Variants in THSD7B observed in about 807,000 individuals in gnomAD.
THSD7B encodes the protein thrombospondin type 1 domain containing 7B.
In THSD7B, 138 loss-of-function variants were observed where a neutral mutation model predicts 213.6. That is an observed-to-expected ratio of 0.65 (90% CI 0.56 to 0.74). The LOEUF is 0.74. THSD7B is among the 30% of genes least tolerant of loss of function. THSD7B has a pLI of 0.00. For synonymous variants in THSD7B, 742 were observed against 687.0 expected (o/e 1.08, Z -1.25); for missense variants, 1,931 against 1,991.5 (o/e 0.97, Z 0.58).
At chr2:137,316,030 C>T (rs947565528) in intron 12 of THSD7B, among the ~76,000 whole-genome samples, 3 of 151,950 alleles carry the variant, frequency 2.0e-5, no homozygotes, top group African/African-American at 7.3e-5. Context: ...CTTTTAAATT[C>T]TTGGTATTAT....
intron 9 of THSD7B, among the ~76,000 whole-genome samples, chr2:137,235,864 G>C (rs185180848): frequency 6.6e-6 from 1 of 152,202 alleles, no homozygotes; most frequent in Admixed American, 6.5e-5. Flanking sequence ...ATGACTTTCT[G>C]TACTGTTAAT....
intron 17 of THSD7B, among the ~76,000 whole-genome samples, chr2:137,610,932 T>C (rs1354037577): frequency 1.3e-5 from 2 of 150,888 alleles, no homozygotes; most frequent in Non-Finnish European, 3.0e-5. Context: ...TCTACTTCTT[T>C]TTAAAAGTTA....
intron 5 of THSD7B, among the ~76,000 whole-genome samples, chr2:137,122,957 A>G (rs1173951538): frequency 6.6e-6 from 1 of 152,112 alleles, no homozygotes; most frequent in Non-Finnish European, 1.5e-5. Flanking sequence ...GCTGCTATGC[A>G]AGTCTGAGAT....
At chr2:137,028,687 G>A (rs185207775) in intron 2 of THSD7B, among the ~76,000 whole-genome samples, 14 of 152,296 alleles carry the variant, frequency 9.2e-5, no homozygotes, top group African/African-American at 3.1e-4. Context: ...AAGTGCCATC[G>A]TAAGAAAGAG....
chr2:137,133,853 G>T (rs1688784428), intron 5 of THSD7B, among the ~76,000 whole-genome samples: 1 of 152,084 alleles, frequency 6.6e-6, no homozygotes, highest in African/African-American at 2.4e-5. Flanking sequence ...TTTGATGTTT[G>T]TATATGTTTT....
chr2:137,304,043 G>A (rs994551882), intron 12 of THSD7B, among the ~76,000 whole-genome samples: 1 of 151,600 alleles, frequency 6.6e-6, no homozygotes, highest in Non-Finnish European at 1.5e-5. Context: ...ACTTATGAAG[G>A]AGAACATGTG....
chr2:137,449,543 C>T (rs6743682), intron 14 of THSD7B, among the ~76,000 whole-genome samples: 103,705 of 152,004 alleles, frequency 0.68, 35,624 homozygotes, highest in East Asian at 0.86. Flanking sequence ...GGGAAAGCTC[C>T]TCTTCTGAAC....
At chr2:137,416,002 A>G (rs999026367) in intron 14 of THSD7B, among the ~76,000 whole-genome samples, 10 of 152,270 alleles carry the variant, frequency 6.6e-5, no homozygotes, top group South Asian at 4.1e-4. Flanking sequence ...AATGTCTTTT[A>G]TTTATTTTCA....
intron 15 of THSD7B, among the ~76,000 whole-genome samples, chr2:137,469,366 T>C (rs1688050821): frequency 6.6e-6 from 1 of 152,214 alleles, no homozygotes; most frequent in African/African-American, 2.4e-5. Context: ...GCGATCCTCT[T>C]TGCATGAATT....
intron 12 of THSD7B, among the ~76,000 whole-genome samples, chr2:137,302,905 T>C (rs2104848470): frequency 6.6e-6 from 1 of 152,288 alleles, no homozygotes; most frequent in African/African-American, 2.4e-5. Context: ...ATTCTCCTAC[T>C]ACAGTCTTTA....
At chr2:137,188,127 T>C (rs925518132) in intron 7 of THSD7B, among the ~76,000 whole-genome samples, 23 of 152,258 alleles carry the variant, frequency 1.5e-4, no homozygotes, top group African/African-American at 5.5e-4. Context: ...CCAATGACAA[T>C]GTAGGAATCA....
chr2:137,127,693 G>C (rs1688654706), intron 5 of THSD7B, among the ~76,000 whole-genome samples: 1 of 152,130 alleles, frequency 6.6e-6, no homozygotes, highest in Admixed American at 6.5e-5. Flanking sequence ...GAGGTGGGTG[G>C]ATTTCTTGAG....
intron 2 of THSD7B, among the ~76,000 whole-genome samples, chr2:137,052,228 C>T (rs919553367): frequency 1.3e-5 from 2 of 152,106 alleles, no homozygotes; most frequent in Non-Finnish European, 2.9e-5. Flanking sequence ...ATATTCCTCT[C>T]ACAAAAAGGG....
chr2:137,424,887 C>T (rs1025345520), intron 14 of THSD7B, among the ~76,000 whole-genome samples: 15 of 151,774 alleles, frequency 9.9e-5, no homozygotes, highest in South Asian at 2.1e-4. Context: ...CTGGCTAAGA[C>T]GGTGAAACCT....
At position 136,987,632 on chromosome 2, in the gene THSD7B, A is replaced by G. The variant is rs562080926; in HGVS notation, c.140-68788A>G. 1.7e-4 allele frequency among the ~76,000 whole-genome samples: 26 copies of G among 152,302 alleles called. No homozygotes were observed. In the South Asian group the frequency reaches 5.4e-3, roughly 32 times the overall value. On this transcript the variant is annotated intron_variant, in intron 2 of 27. Coordinates refer to ENST00000409968, the MANE Select transcript of THSD7B (RefSeq NM_001316349.2). ...TTCTCGCCAGCTTTCCCACCACTCA[A>G]CTTAGGCTTCTGACTTTTGCTCCAA...
chr2:137,017,817 A>G (rs1380458300), intron 2 of THSD7B, among the ~76,000 whole-genome samples: 1 of 152,122 alleles, frequency 6.6e-6, no homozygotes, highest in Non-Finnish European at 1.5e-5. Context: ...TAAAGATCAC[A>G]TCAAAAAAAA....
At chr2:137,536,699 A>G (rs939555999) in intron 15 of THSD7B, among the ~76,000 whole-genome samples, 1 of 151,756 alleles carries the variant, frequency 6.6e-6, no homozygotes, top group Non-Finnish European at 1.5e-5. Context: ...CAAAGAAAAA[A>G]TGATACATGT....
At chr2:136,965,227 C>T (rs910497069) in intron 2 of THSD7B, among the ~76,000 whole-genome samples, 2 of 152,156 alleles carry the variant, frequency 1.3e-5, no homozygotes, top group Non-Finnish European at 2.9e-5. Flanking sequence ...GTTTTCAGAA[C>T]ATTCTCTGAA....
Position 137,618,409 on chromosome 2 carries a change from C to A in THSD7B, c.3583C>A (p.Leu1195Met). 6.2e-7 allele frequency: 1 copy of A among 1,613,822 alleles called. No individual in the cohort carries two copies. The highest frequency in any genetic ancestry group is 8.5e-7 in the Non-Finnish European group (1 of 1,179,846). ...YNLTEWSTCQLSENAPCGQGV... is the reference protein window; with the variant it reads ...YNLTEWSTCQMSENAPCGQGV... ...GCCTGTAGAGTGGAGCACATGCCAG[C>A]TGAGTGAAAACGCACCCTGTGGTCA... The change falls in exon 19 of 28, where the codon CTG becomes ATG. Residue 1195 changes from leucine (L) to methionine (M), a missense_variant. Physicochemically the swap from Leu to Met is conservative, Grantham distance 15 (BLOSUM62 2). Transcript: ENST00000409968.
Sources: gnomAD v4.1 joint callset for allele counts (sites outside exome capture counted in the v4.1 genomes callset) on GRCh38, gnomAD v4.1.1 for gene constraint, MANE v1.5 for transcripts, NCBI Gene and HGNC (gene_info 2026-07-23, HGNC 2026-07-21) for gene names.